Variants in ANXA4 observed in about 807,000 individuals in gnomAD.
ANXA4 encodes the protein annexin A4, also known as 35-beta calcimedin.
In ANXA4, 39 loss-of-function variants were observed where a neutral mutation model predicts 49.8. That is an observed-to-expected ratio of 0.78 (90% CI 0.61 to 1.02). The LOEUF is 1.02. Among genes scored for constraint, ANXA4 ranks in the 50% least tolerant of loss-of-function variants. The pLI is 0.00. For missense variants in ANXA4, 360 were observed against 410.1 expected, an observed-to-expected ratio of 0.88 and a Z score of 1.05; for synonymous variants, 134 against 152.5, an observed-to-expected ratio of 0.88 and a Z score of 0.89.
chr2:69,710,800 C>T (rs1008481322), intron 2 of ANXA4, among the ~76,000 whole-genome samples: 1 of 152,116 alleles, frequency 6.6e-6, no homozygotes, highest in African/African-American at 2.4e-5. Context: ...ACTGGCAATA[C>T]AAAGTGTTAG....
At chr2:69,672,290 G>T (rs1677220378) in intron 2 of ANXA4, among the ~76,000 whole-genome samples, 1 of 152,154 alleles carries the variant, frequency 6.6e-6, no homozygotes, top group Non-Finnish European at 1.5e-5. Context: ...GAAGTACAGT[G>T]GTGTGATCTC....
intron 2 of ANXA4, among the ~76,000 whole-genome samples, chr2:69,655,093 A>G (rs1676386671): frequency 6.6e-6 from 1 of 152,226 alleles, no homozygotes; most frequent in African/African-American, 2.4e-5. Flanking sequence ...AACCTACGCA[A>G]TACCATTCAG....
intron 1 of ANXA4, among the ~76,000 whole-genome samples, chr2:69,775,033 C>G (rs1017885096): frequency 6.6e-6 from 1 of 152,230 alleles, no homozygotes. Flanking sequence ...GTTACTCACA[C>G]AACCCATTTG....
chr2:69,761,205 T>C (rs1280359269), intron 1 of ANXA4, among the ~76,000 whole-genome samples: 1 of 152,154 alleles, frequency 6.6e-6, no homozygotes, highest in African/African-American at 2.4e-5. Flanking sequence ...TGAGATATTT[T>C]ATAGGCTTCT....
At chr2:69,670,871 C>G (rs1167700297) in intron 2 of ANXA4, among the ~76,000 whole-genome samples, 1 of 151,536 alleles carries the variant, frequency 6.6e-6, no homozygotes, top group Non-Finnish European at 1.5e-5. Flanking sequence ...GCCAAAAATA[C>G]AAAATTTAGC....
At chr2:69,718,474 A>C (rs770439967) in intron 2 of ANXA4, among the ~76,000 whole-genome samples, 1 of 152,208 alleles carries the variant, frequency 6.6e-6, no homozygotes, top group Non-Finnish European at 1.5e-5. Flanking sequence ...TACGTTTGGG[A>C]AATGCTTAGC....
In ANXA4 at chr2:69,794,624, A is replaced by G. The variant is rs1291338195; in HGVS notation, c.97+6483A>G. ...GTCGCCCAGGCTGGAGTGCAGTGGC[A>G]TGATCTCAGCTCACTGCAAGCTCTG... is the stretch of plus-strand genomic sequence containing the variant. On this transcript the variant is annotated intron_variant, in intron 3 of 12. Coordinates refer to ENST00000394295, the MANE Select transcript of ANXA4 (RefSeq NM_001153.5). Among the ~76,000 whole-genome samples the G allele has an allele frequency of 1.3e-5, 2 of 151,928 alleles. 1 individual carries two copies. The highest frequency in any genetic ancestry group is 2.9e-5 in the Non-Finnish European group (2 of 67,982).
chr2:69,714,313 A>T (rs1325124462), intron 2 of ANXA4, among the ~76,000 whole-genome samples: 4 of 151,882 alleles, frequency 2.6e-5, no homozygotes, highest in Non-Finnish European at 5.9e-5. Flanking sequence ...AGGGGAGCGT[A>T]CAGTTTCCGG....
chr2:69,706,141 G>A (rs1254951282), intron 2 of ANXA4, among the ~76,000 whole-genome samples: 1 of 151,426 alleles, frequency 6.6e-6, no homozygotes, highest in African/African-American at 2.4e-5. Context: ...CTATTTCTAA[G>A]ATACTAAGAC....
At chr2:69,778,667 C>A (rs560283012) in intron 1 of ANXA4, among the ~76,000 whole-genome samples, 2 of 149,208 alleles carry the variant, frequency 1.3e-5, no homozygotes, top group African/African-American at 4.9e-5. Context: ...CCCAGCTACT[C>A]GGGAGGCTGA....
At chr2:69,684,276 T>C (rs2105362140) in intron 2 of ANXA4, among the ~76,000 whole-genome samples, 1 of 152,338 alleles carries the variant, frequency 6.6e-6, no homozygotes, top group South Asian at 2.1e-4. Flanking sequence ...TCTTATCAAA[T>C]ATCTATCCTA....
chr2:69,771,090 T>A (rs1429964291), intron 1 of ANXA4, among the ~76,000 whole-genome samples: 23 of 108,094 alleles, frequency 2.1e-4, no homozygotes, highest in African/African-American at 8.3e-4. Flanking sequence ...CAAGACCCTG[T>A]CTCCAAAAAA....
At chr2:69,668,837 G>A (rs1677041299) in intron 2 of ANXA4, among the ~76,000 whole-genome samples, 1 of 152,044 alleles carries the variant, frequency 6.6e-6, no homozygotes, top group Non-Finnish European at 1.5e-5. Context: ...CCACAAGATG[G>A]TAAACGCTGA....
chr2:69,785,549 C>CA (rs1372165582), intron 2 of ANXA4, among the ~76,000 whole-genome samples: 4 of 106,006 alleles, frequency 3.8e-5, no homozygotes, highest in African/African-American at 1.7e-4. Flanking sequence ...CTGAAGTTCT[C>CA]TTTGATGATG....
chr2:69,755,472 A>G (rs528297373), intron 1 of ANXA4, among the ~76,000 whole-genome samples: 27 of 152,140 alleles, frequency 1.8e-4, no homozygotes, highest in Admixed American at 1.6e-3. Context: ...TTAGCCACGC[A>G]TGGTGGCCTG....
chr2:69,796,583 C>T (rs566414862), intron 3 of ANXA4, among the ~76,000 whole-genome samples: 16 of 152,302 alleles, frequency 1.1e-4, no homozygotes, highest in Admixed American at 7.8e-4. Flanking sequence ...ATCAGAAAAT[C>T]GGCGCAAGTC....
chr2:69,784,223 T>C (rs912579796), intron 2 of ANXA4, among the ~76,000 whole-genome samples: 1 of 152,212 alleles, frequency 6.6e-6, no homozygotes, highest in Non-Finnish European at 1.5e-5. Flanking sequence ...ATATTTATCA[T>C]GCTAACAGGG....
At chr2:69,705,753 G>A (rs142091883) in intron 2 of ANXA4, among the ~76,000 whole-genome samples, 1 of 152,262 alleles carries the variant, frequency 6.6e-6, no homozygotes, top group East Asian at 1.9e-4. Flanking sequence ...CCAACATGGT[G>A]AGACCCTGTT....
intron 3 of ANXA4, among the ~76,000 whole-genome samples, chr2:69,791,064 G>T (rs998751717): frequency 6.6e-6 from 1 of 152,158 alleles, no homozygotes; most frequent in African/African-American, 2.4e-5. Flanking sequence ...CTTGTTCCAT[G>T]AGGAATTTTA....
Sources: gnomAD v4.1 joint callset for allele counts (sites outside exome capture counted in the v4.1 genomes callset) on GRCh38, gnomAD v4.1.1 for gene constraint, MANE v1.5 for transcripts, NCBI Gene and HGNC (gene_info 2026-07-23, HGNC 2026-07-21) for gene names.